Variants in MYH7B observed in about 807,000 individuals in gnomAD.
MYH7B encodes the protein myosin heavy chain 7B, also known as myosin-7B.
A neutral mutation model predicts 234.5 loss-of-function variants in MYH7B; 205 were observed. The observed-to-expected ratio is 0.87, with a 90% CI of 0.78 to 0.98. MYH7B has a LOEUF of 0.98. MYH7B is among the 50% of genes least tolerant of loss of function. The pLI, the probability that MYH7B is intolerant of heterozygous loss-of-function variation, is 0.00. For missense variants in MYH7B, 2,652 were observed against 2,633.4 expected (o/e 1.01, Z -0.15); for synonymous variants, 1,193 against 1,105.0 (o/e 1.08, Z -1.58).
intron 2 of MYH7B, among the ~76,000 whole-genome samples, chr20:34,964,009 T>C (rs1174189226): frequency 1.3e-5 from 2 of 152,198 alleles, no homozygotes; most frequent in Non-Finnish European, 2.9e-5. Context: ...GAGAGTTTTG[T>C]TTATTCTCCT....
At chr20:34,989,611 C>T (rs2082101201) in intron 19 of MYH7B, 129 bp from the exon 20 acceptor site, 1 of 917,006 alleles carries the variant, frequency 1.1e-6, no homozygotes, top group Non-Finnish European at 1.6e-6. Context: ...GTCTGACCAT[C>T]CGGGGAGATG....
chr20:34,992,978 G>A, intron 24 of MYH7B, 124 bp from the exon 25 acceptor site: 1 of 1,249,656 alleles, frequency 8.0e-7, no homozygotes, highest in Non-Finnish European at 1.1e-6. Flanking sequence ...ACCAGCCTCG[G>A]AGAGGCCCAG....
intron 2 of MYH7B, among the ~76,000 whole-genome samples, chr20:34,967,127 G>T (rs1600407263): frequency 6.6e-6 from 1 of 152,038 alleles, no homozygotes; most frequent in South Asian, 2.1e-4. Flanking sequence ...TACTGGGGAG[G>T]CTGAGGCAGG....
At chr20:34,958,698 T>G (rs2081664046) in intron 2 of MYH7B, among the ~76,000 whole-genome samples, 1 of 152,142 alleles carries the variant, frequency 6.6e-6, no homozygotes, top group African/African-American at 2.4e-5. Context: ...ACTCCTGACC[T>G]TGTGATCCGT....
In MYH7B at chr20:34,979,591, G is replaced by A; in HGVS notation, c.199-70G>A. The A allele has an allele frequency of 1.9e-6, 3 of 1,607,616 alleles. No homozygotes were observed. In the Admixed American group the frequency reaches 5.0e-5, roughly 27 times the overall value. ...TGGTTGAAGGGGGTCTGGGTATGTG[G>A]GTGGGGGTGACAGGTGAGGTCGGTC... On this transcript the variant is annotated intron_variant, in intron 6 of 44. Coordinates refer to ENST00000262873, the Ensembl canonical transcript of MYH7B.
chr20:34,991,199 A>C (rs1289898835), intron 24 of MYH7B, 78 bp downstream of exon 24: 1 of 1,003,592 alleles, frequency 1.0e-6, no homozygotes, highest in Non-Finnish European at 1.5e-6. Flanking sequence ...ATCAGAGCCC[A>C]ACAGACGGTC....
chr20:34,981,498 C>T, intron 9 of MYH7B: 1 of 208,588 alleles, frequency 4.8e-6, no homozygotes, highest in South Asian at 8.1e-5. Context: ...AGGCTCATGT[C>T]CAGTCAGGCC....
chr20:34,990,059 C>T, exon 21 of MYH7B: 1 of 1,614,168 alleles, frequency 6.2e-7, no homozygotes, highest in South Asian at 1.1e-5. Flanking sequence ...CAAGGATCCC[C>T]TGAATGAGAC....
intron 9 of MYH7B, chr20:34,982,163 T>G: frequency 8.7e-6 from 3 of 346,494 alleles, no homozygotes; most frequent in East Asian, 6.6e-5. Context: ...GTTCCTAAAA[T>G]GGGGGTGATA....
chr20:34,979,914 G>A (rs1250099391), intron 7 of MYH7B, 110 bp downstream of exon 7: 1 of 1,262,196 alleles, frequency 7.9e-7, no homozygotes. Flanking sequence ...TGTGAGCGGT[G>A]GATCGGGGCT....
intron 2 of MYH7B, among the ~76,000 whole-genome samples, chr20:34,962,214 G>A (rs1005498718): frequency 2.6e-5 from 4 of 152,148 alleles, no homozygotes; most frequent in Admixed American, 2.6e-4. Context: ...GTGACAGAGC[G>A]AGACCCTGTC....
At chr20:34,982,316 C>T (rs1343283939) in intron 9 of MYH7B, 143 bp from the exon 10 acceptor site, 28 of 691,538 alleles carry the variant, frequency 4.0e-5, no homozygotes, top group Non-Finnish European at 7.2e-5. Flanking sequence ...TTGCTTTGTA[C>T]ACCTCTGAGG....
At chr20:35,002,112 CTG>C in intron 44 of MYH7B, 27 bp downstream of exon 44, 1 of 1,611,924 alleles carries the variant, frequency 6.2e-7, no homozygotes, top group Non-Finnish European at 8.5e-7. Flanking sequence ...GCATTGCTCT[CTG>C]TGCAGGGGGA....
At chr20:34,991,523 T>C (rs1350813898) in intron 24 of MYH7B, among the ~76,000 whole-genome samples, 1 of 152,176 alleles carries the variant, frequency 6.6e-6, no homozygotes, top group Non-Finnish European at 1.5e-5. Flanking sequence ...GTTTTGCGTG[T>C]ATCAGGTTTG....
intron 24 of MYH7B, 79 bp from the exon 25 acceptor site, chr20:34,993,023 A>C (rs1317340471): frequency 6.5e-6 from 10 of 1,535,082 alleles, no homozygotes; most frequent in African/African-American, 2.7e-5. Flanking sequence ...GAGCCTCCTC[A>C]GTCCCTGACT....
chr20:34,990,975 CCT>C, intron 23 of MYH7B, 27 bp from the exon 24 acceptor site: 2 of 1,595,352 alleles, frequency 1.3e-6, no homozygotes, highest in Non-Finnish European at 1.7e-6. Context: ...TGCCTGTTGA[CCT>C]CTGACCTTTT....
intron 38 of MYH7B, 97 bp from the exon 39 acceptor site, chr20:35,000,192 CATTT>C (rs2082342766): frequency 2.9e-6 from 4 of 1,376,490 alleles, no homozygotes; most frequent in South Asian, 2.8e-5. Flanking sequence ...AGGGGTGACT[CATTT>C]GTTCTCAAAA....
intron 9 of MYH7B, chr20:34,981,353 G>A (rs2081938464): frequency 2.6e-6 from 1 of 377,560 alleles, no homozygotes; most frequent in African/African-American, 2.1e-5. Context: ...ATCCTCTGGG[G>A]TTCTAATTCT....
At chr20:34,991,048 G>A in exon 24 of MYH7B, 1 of 1,613,918 alleles carries the variant, frequency 6.2e-7, no homozygotes. Flanking sequence ...GCGCTGCAAT[G>A]GGGTCCTGGA....
Sources: allele counts gnomAD v4.1 joint callset (sites outside exome capture counted in the v4.1 genomes callset), GRCh38; gene constraint gnomAD v4.1.1; transcripts MANE v1.5; gene names NCBI Gene and HGNC (gene_info 2026-07-23, HGNC 2026-07-21).